Variants in DPY19L3 observed in about 807,000 individuals in gnomAD.
DPY19L3 encodes protein C-mannosyl-transferase DPY19L3.
DPY19L3 carries 51 observed loss-of-function variants against 92.3 expected under a neutral mutation model. The observed-to-expected ratio is 0.55, with a 90% confidence interval of 0.44 to 0.70. The LOEUF is 0.70. Ranked by LOEUF, DPY19L3 falls within the 30% of genes least tolerant of loss-of-function variation. The pLI is 0.00. For missense variants in DPY19L3, 706 were observed against 855.9 expected, an observed-to-expected ratio of 0.82 and a Z score of 2.18; for synonymous variants, 309 against 315.2, an observed-to-expected ratio of 0.98 and a Z score of 0.21.
chr19:32,444,792 T>C (rs1005580519), intron 8 of DPY19L3, among the ~76,000 whole-genome samples: 2 of 151,462 alleles, frequency 1.3e-5, no homozygotes, highest in Non-Finnish European at 1.5e-5. Context: ...CTCATCAAAA[T>C]CAAGGAGGGG....
intron 16 of DPY19L3, 41 bp from the exon 17 acceptor site, chr19:32,477,481 C>G (rs762454956): frequency 1.2e-6 from 2 of 1,612,348 alleles, no homozygotes; most frequent in South Asian, 2.2e-5. Context: ...CTTTAAGGAT[C>G]TCTTAACAGT....
At chr19:32,458,893 G>A (rs748694044) in intron 12 of DPY19L3, among the ~76,000 whole-genome samples, 13 of 152,126 alleles carry the variant, frequency 8.5e-5, no homozygotes, top group Non-Finnish European at 1.8e-4. Flanking sequence ...CCTAGACTTC[G>A]GCAGGTACAA....
chr19:32,458,051 C>T, intron 10 of DPY19L3, 49 bp from the exon 11 acceptor site: 1 of 1,407,842 alleles, frequency 7.1e-7, no homozygotes, highest in Non-Finnish European at 9.9e-7. Flanking sequence ...TATCAGGAAA[C>T]CGTGCCTAAA....
chr19:32,438,583 A>C (rs535029207), intron 6 of DPY19L3, among the ~76,000 whole-genome samples: 12 of 152,220 alleles, frequency 7.9e-5, no homozygotes, highest in Admixed American at 3.3e-4. Flanking sequence ...TATGTGTTAC[A>C]TAAGTGTATC....
At chr19:32,419,224 G>T (rs996048442) in intron 3 of DPY19L3, among the ~76,000 whole-genome samples, 1 of 147,162 alleles carries the variant, frequency 6.8e-6, no homozygotes, top group Non-Finnish European at 1.5e-5. Context: ...GCAGTGGCGC[G>T]ATCTCGGCTC....
chr19:32,479,591 C>G lies in DPY19L3; in HGVS notation c.1831-808C>G, dbSNP rs556666759. 4.3e-4 allele frequency: 189 copies of G among 435,742 alleles called. 1 individual carries two copies. Among genetic ancestry groups the G allele is most frequent in the South Asian group, 3.1e-3 (189 of 61,764 alleles). The allele number at this position is 435,742 out of a possible 1,614,324, so 27.0% of individuals were successfully genotyped here. On this transcript the variant is annotated intron_variant, in intron 17 of 18. Coordinates refer to ENST00000392250, the MANE Select transcript of DPY19L3 (RefSeq NM_001172774.2). ...ATGTGGACACATCAAGTTAGACCCT[C>G]AAGCCCAAATCAGAAATCTAGCACT...
At chr19:32,408,025 C>T (rs1968038736) in intron 1 of DPY19L3, among the ~76,000 whole-genome samples, 192 bp from the exon 2 acceptor site, 1 of 151,814 alleles carries the variant, frequency 6.6e-6, no homozygotes, top group Admixed American at 6.6e-5. Flanking sequence ...GTAGAGGCTA[C>T]AGTGAGCCGT....
chr19:32,446,713 GT>G (rs1969511158), intron 8 of DPY19L3, among the ~76,000 whole-genome samples: 2 of 152,202 alleles, frequency 1.3e-5, no homozygotes, highest in African/African-American at 4.8e-5. Context: ...TGCAACGTGT[GT>G]GGGGCAAAAA....
At chr19:32,436,897 C>A (rs1937018958) in intron 5 of DPY19L3, among the ~76,000 whole-genome samples, 1 of 151,976 alleles carries the variant, frequency 6.6e-6, no homozygotes, top group Non-Finnish European at 1.5e-5. Context: ...GTAAAGTCAG[C>A]AAATCACAAT....
At chr19:32,408,453 C>G in intron 2 of DPY19L3, 97 bp downstream of exon 2, 2 of 788,126 alleles carry the variant, frequency 2.5e-6, no homozygotes, top group Non-Finnish European at 4.1e-6. Context: ...TGGGACCTAA[C>G]AATTGAAACT....
intron 4 of DPY19L3, 22 bp downstream of exon 4, chr19:32,432,828 A>C (rs985349482): frequency 6.2e-7 from 1 of 1,607,500 alleles, no homozygotes; most frequent in African/African-American, 1.3e-5. Context: ...TGATAGTTTC[A>C]TTTGGGGTCT....
At chr19:32,418,135 G>A (rs558000617) in intron 3 of DPY19L3, among the ~76,000 whole-genome samples, 1 of 152,274 alleles carries the variant, frequency 6.6e-6, no homozygotes, top group Non-Finnish European at 1.5e-5. Flanking sequence ...GATACCATCT[G>A]GGAAGCTATA....
intron 3 of DPY19L3, chr19:32,427,950 CA>C (rs1968820503): frequency 1.5e-5 from 2 of 135,908 alleles, no homozygotes; most frequent in Admixed American, 7.4e-5. Flanking sequence ...TTTTGGGGGA[CA>C]ATTTTTGTAA....
chr19:32,411,788 G>A (rs1402731183), intron 3 of DPY19L3: 1 of 176,296 alleles, frequency 5.7e-6, no homozygotes, highest in Non-Finnish European at 1.2e-5. Context: ...GGCTGATCTC[G>A]AACTCCTGAC....
At chr19:32,475,268 G>A (rs374389531) in intron 16 of DPY19L3, among the ~76,000 whole-genome samples, 6 of 152,292 alleles carry the variant, frequency 3.9e-5, no homozygotes, top group East Asian at 1.9e-4. Flanking sequence ...CTCAGCTGCC[G>A]GGTTCGTCTT....
intron 3 of DPY19L3, among the ~76,000 whole-genome samples, chr19:32,417,817 A>G (rs1245521120): frequency 6.6e-6 from 1 of 152,214 alleles, no homozygotes; most frequent in Non-Finnish European, 1.5e-5. Context: ...AGCATGAGGA[A>G]TGGACTAATA....
In DPY19L3 at chr19:32,485,069, G is replaced by A. The variant is rs2145654192; in HGVS notation, c.*2829G>A. ...TGTGATTTATGTGAGAAGTAGAACT[G>A]TAGTCATTGGACCCTTAGGCAAAGG... On this transcript the variant is annotated 3_prime_UTR_variant, in exon 19 of 19. Transcript: ENST00000392250. The A allele has an allele frequency of 6.6e-6, 1 of 152,302 alleles. No individual in the cohort carries two copies. Among genetic ancestry groups the A allele is most frequent in the Non-Finnish European group, 1.5e-5 (1 of 68,020 alleles). The allele number at this position is 152,302 out of a possible 1,614,324, so 9.4% of individuals were successfully genotyped here. A position where few individuals can be genotyped will look rare whatever the true frequency, so the allele number is the denominator to read the frequency against.
At position 32,484,229 on chromosome 19, in the gene DPY19L3, T is replaced by G. The variant is rs1047654806; in HGVS notation, c.*1989T>G. ...AATCTTGCAAGACAGAATCCATACT[T>G]AACACTCTTTCCAAGACACTGTGAC... On this transcript the variant is annotated 3_prime_UTR_variant, in exon 19 of 19. Coordinates refer to ENST00000392250, the MANE Select transcript of DPY19L3 (RefSeq NM_001172774.2). 4 of 152,538 alleles carry G rather than the reference T, an allele frequency of 2.6e-5. No homozygotes were observed. Among genetic ancestry groups the G allele is most frequent in the Non-Finnish European group, 4.4e-5 (3 of 68,000 alleles). The allele number at this position is 152,538 out of a possible 1,614,324, so 9.4% of individuals were successfully genotyped here.
chr19:32,478,236 G>A (rs777277395), intron 17 of DPY19L3, among the ~76,000 whole-genome samples: 6 of 151,790 alleles, frequency 4.0e-5, no homozygotes, highest in South Asian at 2.1e-4. Flanking sequence ...TCCCCAGGTC[G>A]GGACCTCTGC....
Sources: gnomAD v4.1 joint callset for allele counts (sites outside exome capture counted in the v4.1 genomes callset) on GRCh38, gnomAD v4.1.1 for gene constraint, MANE v1.5 for transcripts, NCBI Gene and HGNC (gene_info 2026-07-23, HGNC 2026-07-21) for gene names.